The following PABIR3 variants were observed in gnomAD, a reference collection of about 807,000 sequenced individuals.
The protein encoded by PABIR3 is PABIR family member 1.
A neutral mutation model predicts 23.1 loss-of-function variants in PABIR3; 20 were observed. That is an observed-to-expected ratio of 0.86 (90% confidence interval 0.61 to 1.26). The LOEUF is 1.26. Ranked by LOEUF, PABIR3 falls within the 50% of genes most tolerant of loss-of-function variation. The probability of loss-of-function intolerance (pLI) is 0.00; values close to 1 mark genes in which losing one functional copy is unlikely to be tolerated. For synonymous variants in PABIR3, 69 were observed against 68.5 expected, an observed-to-expected ratio of 1.01 and a Z score of -0.04; for missense variants, 189 against 195.4, an observed-to-expected ratio of 0.97 and a Z score of 0.20.
At chrX:134,809,672 C>A (rs2080518745) in intron 2 of PABIR3, 1 of 706,755 alleles carries the variant, frequency 1.4e-6, no homozygotes, top group African/African-American at 2.4e-5. Flanking sequence ...ATTCAGAGAC[C>A]AGCTTTACCC....
upstream of PABIR3, among the ~76,000 whole-genome samples, chrX:134,805,839 G>C (rs969262912): frequency 1.7e-4 from 19 of 110,740 alleles, no homozygotes; most frequent in Non-Finnish European, 3.2e-4. Flanking sequence ...GGAGGTTGTG[G>C]TGAGCCAAGA....
At chrX:134,815,683 T>C (rs2080935753) in intron 3 of PABIR3, among the ~76,000 whole-genome samples, 1 of 109,404 alleles carries the variant, frequency 9.1e-6, no homozygotes, top group Non-Finnish European at 1.9e-5. Flanking sequence ...TTTTCTTTTT[T>C]TTTTTCTTTT....
intron 7 of PABIR3, among the ~76,000 whole-genome samples, 200 bp downstream of exon 7, chrX:134,847,675 G>T: frequency 9.0e-6 from 1 of 111,220 alleles, no homozygotes; most frequent in Non-Finnish European, 1.9e-5. Flanking sequence ...TAAAGCATAG[G>T]GTTAGATTAA....
chrX:134,830,325 CTTTT>C (rs766717674), intron 4 of PABIR3, among the ~76,000 whole-genome samples: 1 of 62,545 alleles, frequency 1.6e-5, no homozygotes, highest in Non-Finnish European at 2.8e-5. Context: ...GGTTTTTTTC[CTTTT>C]TTTTTTTTTT....
Position 134,854,078 on chromosome X carries a change from TTTC to T in PABIR3, c.687-5_687-3del, listed in dbSNP as rs1432616429. 1 of 1,209,554 alleles carries T rather than the reference TTTC, an allele frequency of 8.3e-7. No homozygotes were observed. The highest frequency in any genetic ancestry group is 2.2e-5 in the Admixed American group (1 of 45,846). On this transcript the variant is annotated splice_polypyrimidine_tract_variant and intron_variant, in intron 10 of 10. Transcript: ENST00000645433. The stretch of plus-strand genomic sequence containing the variant: ...GAGTTCTGCTATCAATGAGTGGCAT[TTTC>T]TTCTTCTAGTCTACTTCCAGCTACT...
At chrX:134,805,277 A>G (rs929876116), upstream of PABIR3, among the ~76,000 whole-genome samples, 1 of 111,761 alleles carries the variant, frequency 8.9e-6, no homozygotes, top group African/African-American at 3.3e-5. Context: ...ATTATTGTAA[A>G]CTTTAAATGC....
chrX:134,848,072 T>G lies in PABIR3; in HGVS notation c.527+101T>G, dbSNP rs2082494256. 7 of 701,719 alleles carry G rather than the reference T, an allele frequency of 1.0e-5. No individual in the cohort carries two copies. In the South Asian group the frequency reaches 1.6e-4, roughly 16 times the overall value. The allele number at this position is 701,719 out of a possible 1,213,427, so 57.8% of individuals were successfully genotyped here. On this transcript the variant is annotated intron_variant, in intron 8 of 10. Coordinates refer to ENST00000645433, the MANE Select transcript of PABIR3 (RefSeq NM_001388447.1). ...CCAAGTTTTGTGCCAACCAAAGAAG[T>G]GACTTCTTTTTAGGGAAATTAAAAT...
intron 3 of PABIR3, among the ~76,000 whole-genome samples, chrX:134,818,701 C>G (rs2081104280): frequency 9.0e-6 from 1 of 110,661 alleles, no homozygotes; most frequent in African/African-American, 3.3e-5. Context: ...AATCCCTCAT[C>G]TGTAAAATGG....
At chrX:134,847,855 T>C (rs1437457996) in intron 7 of PABIR3, 28 bp from the exon 8 acceptor site, 3 of 1,133,204 alleles carry the variant, frequency 2.6e-6, no homozygotes, top group Non-Finnish European at 3.5e-6. Flanking sequence ...GTGGCGGTTT[T>C]AAAACCTCTG....
chrX:134,808,015 C>G (rs1220521776), intron 2 of PABIR3: 1 of 300,332 alleles, frequency 3.3e-6, no homozygotes, highest in Non-Finnish European at 5.8e-6. Flanking sequence ...AACTTCAACC[C>G]ATTTCTTACC....
chrX:134,829,147 A>G (rs1407962749), intron 3 of PABIR3, 79 bp from the exon 4 acceptor site: 1 of 829,464 alleles, frequency 1.2e-6, no homozygotes, highest in Non-Finnish European at 1.8e-6. Context: ...ATTTTAGGTA[A>G]TTCAACATTG....
the PABIR3 span, among the ~76,000 whole-genome samples, chrX:134,862,570 G>A: frequency 8.9e-6 from 1 of 112,089 alleles, no homozygotes; most frequent in Non-Finnish European, 1.9e-5. Flanking sequence ...AAAGTTGATG[G>A]TTTTTATTTT....
intron 4 of PABIR3, among the ~76,000 whole-genome samples, chrX:134,840,287 C>A (rs1337072750): frequency 1.8e-5 from 2 of 110,163 alleles, no homozygotes; most frequent in African/African-American, 3.3e-5. Flanking sequence ...ATCTGCTGAC[C>A]TTCCCTCCAC....
chrX:134,811,987 C>T (rs2080700836), intron 2 of PABIR3, among the ~76,000 whole-genome samples: 3 of 111,980 alleles, frequency 2.7e-5, no homozygotes, highest in Non-Finnish European at 3.8e-5. Context: ...CTTTTACGAA[C>T]GTGGAAGAAT....
chrX:134,848,943 C>T (rs1277085030), intron 8 of PABIR3, among the ~76,000 whole-genome samples: 8 of 111,813 alleles, frequency 7.2e-5, no homozygotes, highest in African/African-American at 2.6e-4. Context: ...GCGGAGGCTG[C>T]AGTGAGCTTA....
intron 10 of PABIR3, among the ~76,000 whole-genome samples, chrX:134,853,799 T>C (rs891415445): frequency 9.1e-6 from 1 of 110,299 alleles, no homozygotes; most frequent in African/African-American, 3.3e-5. Flanking sequence ...TTTGTATTTT[T>C]AGTATAGATG....
At chrX:134,863,864 G>T in the PABIR3 span, among the ~76,000 whole-genome samples, 1 of 110,869 alleles carries the variant, frequency 9.0e-6, no homozygotes, top group Non-Finnish European at 1.9e-5. Context: ...AAATAATACT[G>T]AGCCCAACGA....
At chrX:134,822,772 G>A (rs1196319956) in intron 3 of PABIR3, 3 of 363,688 alleles carry the variant, frequency 8.2e-6, no homozygotes, top group South Asian at 1.4e-4. Context: ...CTACTTGAGC[G>A]GGGAGGATGT....
At chrX:134,847,258 C>T (rs2082464698) in intron 6 of PABIR3, 125 bp from the exon 7 acceptor site, 2 of 451,109 alleles carry the variant, frequency 4.4e-6, no homozygotes. Context: ...ATGGCGAGAG[C>T]TCTTCACCAT....
Sources: gnomAD v4.1 joint callset for allele counts (sites outside exome capture counted in the v4.1 genomes callset) on GRCh38, gnomAD v4.1.1 for gene constraint, MANE v1.5 for transcripts, NCBI Gene and HGNC (gene_info 2026-07-23, HGNC 2026-07-21) for gene names.